The following SIPA1L1 variants were observed in gnomAD, a reference collection of about 807,000 sequenced individuals.
SIPA1L1 encodes signal induced proliferation associated 1 like 1.
SIPA1L1 carries 26 observed loss-of-function variants against 162.7 expected under a neutral mutation model. The observed-to-expected ratio is 0.16, with a 90% CI of 0.12 to 0.22. The LOEUF is 0.22. Ranked by LOEUF, SIPA1L1 falls within the 10% of genes least tolerant of loss-of-function variation. SIPA1L1 has a pLI of 1.00. For missense variants in SIPA1L1, 1,874 were observed against 2,241.0 expected, an observed-to-expected ratio of 0.84 and a Z score of 3.31; for synonymous variants, 829 against 837.4, an observed-to-expected ratio of 0.99 and a Z score of 0.17.
At chr14:71,522,374 G>A (rs1173884733) in intron 3 of SIPA1L1, among the ~76,000 whole-genome samples, 1 of 152,184 alleles carries the variant, frequency 6.6e-6, no homozygotes. Flanking sequence ...ATACCAGAGA[G>A]TTTCTCCATT....
intron 2 of SIPA1L1, among the ~76,000 whole-genome samples, chr14:71,469,077 A>C (rs1261852276): frequency 6.6e-6 from 1 of 151,672 alleles, no homozygotes; most frequent in Non-Finnish European, 1.5e-5. Context: ...AATGGTCTGG[A>C]ATGCTCTCTT....
At chr14:71,501,939 G>A (rs894268355) in intron 2 of SIPA1L1, among the ~76,000 whole-genome samples, 6 of 151,426 alleles carry the variant, frequency 4.0e-5, no homozygotes, top group South Asian at 2.1e-4. Flanking sequence ...CCAACTGTTC[G>A]GGAGGCCGCG....
chr14:71,669,119 A>G (rs925865188), intron 10 of SIPA1L1, among the ~76,000 whole-genome samples: 1 of 152,190 alleles, frequency 6.6e-6, no homozygotes, highest in Non-Finnish European at 1.5e-5. Context: ...ATCTTCTGTA[A>G]GGATTCTATT....
intron 23 of SIPA1L1, 73 bp downstream of exon 23, chr14:71,738,398 G>A (rs1311414733): frequency 2.0e-6 from 2 of 1,015,446 alleles, no homozygotes; most frequent in South Asian, 1.4e-5. Context: ...CCCTTTCTAA[G>A]TAGCATGGTA....
intron 2 of SIPA1L1, among the ~76,000 whole-genome samples, chr14:71,360,910 T>C (rs1390721672): frequency 6.6e-6 from 1 of 152,222 alleles, no homozygotes; most frequent in Non-Finnish European, 1.5e-5. Context: ...ATTTATGCCA[T>C]TCTTCGTAAG....
intron 2 of SIPA1L1, among the ~76,000 whole-genome samples, chr14:71,338,007 T>C (rs1192151751): frequency 1.3e-5 from 2 of 152,214 alleles, no homozygotes; most frequent in Non-Finnish European, 1.5e-5. Context: ...ATCACTCTTA[T>C]ACCCTTCCCT....
At chr14:71,544,389 T>C (rs2054980018) in intron 4 of SIPA1L1, among the ~76,000 whole-genome samples, 1 of 152,084 alleles carries the variant, frequency 6.6e-6, no homozygotes, top group Non-Finnish European at 1.5e-5. Context: ...TTGTCAGATA[T>C]GTATATTATG....
chr14:71,543,765 C>G (rs2054696641), intron 4 of SIPA1L1, among the ~76,000 whole-genome samples: 1 of 137,134 alleles, frequency 7.3e-6, no homozygotes, highest in East Asian at 2.1e-4. Flanking sequence ...TCTTCGTTGT[C>G]TTTTAATTGC....
At chr14:71,469,879 G>A (rs560802081) in intron 2 of SIPA1L1, among the ~76,000 whole-genome samples, 3 of 152,272 alleles carry the variant, frequency 2.0e-5, no homozygotes, top group South Asian at 4.1e-4. Flanking sequence ...GTCATGCTCC[G>A]TCATAACCAG....
chr14:71,508,226 A>G (rs1185503230), intron 2 of SIPA1L1, among the ~76,000 whole-genome samples: 4 of 152,180 alleles, frequency 2.6e-5, no homozygotes, highest in Non-Finnish European at 5.9e-5. Context: ...TTTCTGTAAA[A>G]CACTCCATGG....
chr14:71,671,746 A>C, intron 11 of SIPA1L1, 54 bp downstream of exon 11: 1 of 1,383,776 alleles, frequency 7.2e-7, no homozygotes, highest in Non-Finnish European at 9.8e-7. Flanking sequence ...TAAAGTTTTC[A>C]ATACAGACTA....
intron 7 of SIPA1L1, among the ~76,000 whole-genome samples, chr14:71,626,694 A>G (rs559359261): frequency 6.6e-6 from 1 of 152,316 alleles, no homozygotes; most frequent in Non-Finnish European, 1.5e-5. Context: ...AAAGAGATTC[A>G]TAGTGTGATA....
chr14:71,544,302 G>A (rs2054954447), intron 4 of SIPA1L1, among the ~76,000 whole-genome samples: 1 of 149,660 alleles, frequency 6.7e-6, no homozygotes, highest in Admixed American at 6.6e-5. Flanking sequence ...TATATATCAT[G>A]TGTGTATATA....
intron 10 of SIPA1L1, among the ~76,000 whole-genome samples, chr14:71,668,438 G>A (rs565655619): frequency 2.6e-5 from 4 of 152,270 alleles, no homozygotes; most frequent in South Asian, 4.1e-4. Context: ...CTGCTCAACC[G>A]GAGGTTCATG....
At chr14:71,553,849 A>G (rs1487962819) in intron 4 of SIPA1L1, among the ~76,000 whole-genome samples, 2 of 152,172 alleles carry the variant, frequency 1.3e-5, no homozygotes, top group African/African-American at 4.8e-5. Context: ...AATAAATGCA[A>G]TTCTTGTCAG....
At chr14:71,670,586 A>G (rs1245352889) in intron 10 of SIPA1L1, among the ~76,000 whole-genome samples, 1 of 152,238 alleles carries the variant, frequency 6.6e-6, no homozygotes, top group Non-Finnish European at 1.5e-5. Context: ...TAGGCCAACA[A>G]ATACTAGTTA....
intron 13 of SIPA1L1, among the ~76,000 whole-genome samples, chr14:71,693,448 G>A (rs976260595): frequency 2.0e-5 from 3 of 151,232 alleles, no homozygotes; most frequent in Non-Finnish European, 2.9e-5. Context: ...GCAGTGAGCC[G>A]AGATCACACC....
At chr14:71,555,401 A>G (rs372023279) in intron 4 of SIPA1L1, among the ~76,000 whole-genome samples, 5 of 152,284 alleles carry the variant, frequency 3.3e-5, no homozygotes, top group African/African-American at 1.2e-4. Context: ...CTCAGCCTTC[A>G]TAGAATTGAA....
intron 4 of SIPA1L1, among the ~76,000 whole-genome samples, chr14:71,564,890 T>G (rs1332978817): frequency 6.6e-6 from 1 of 152,218 alleles, no homozygotes; most frequent in Non-Finnish European, 1.5e-5. Context: ...CAGGTTCTTA[T>G]CGTTACTTTT....
Sources: gnomAD v4.1 joint callset for allele counts (sites outside exome capture counted in the v4.1 genomes callset) on GRCh38, gnomAD v4.1.1 for gene constraint, MANE v1.5 for transcripts, NCBI Gene and HGNC (gene_info 2026-07-23, HGNC 2026-07-21) for gene names.